The following ACTR3C variants were observed in gnomAD, a reference collection of about 807,000 sequenced individuals.
ACTR3C encodes the protein actin related protein 3C.
ACTR3C carries 18 observed loss-of-function variants against 26.3 expected under a neutral mutation model. That is an observed-to-expected ratio of 0.68 (90% CI 0.47 to 1.01). ACTR3C has a LOEUF of 1.01. ACTR3C is among the 50% of genes least tolerant of loss of function. The pLI is 0.00. For synonymous variants in ACTR3C, 55 were observed against 94.5 expected (o/e 0.58, Z 2.42); for missense variants, 184 against 250.7 (o/e 0.73, Z 1.80).
the ACTR3C span, among the ~76,000 whole-genome samples, chr7:150,180,221 C>T: frequency 8.0e-5 from 12 of 149,836 alleles, no homozygotes; most frequent in East Asian, 2.0e-4. Context: ...GGGAGAATGG[C>T]GTGAACCCGG....
chr7:149,911,606 CA>C, the ACTR3C span, among the ~76,000 whole-genome samples: 1 of 151,430 alleles, frequency 6.6e-6, no homozygotes, highest in Non-Finnish European at 1.5e-5. Flanking sequence ...AAAAAAATCA[CA>C]GACATCATCT....
the ACTR3C span, among the ~76,000 whole-genome samples, chr7:150,205,160 G>T: frequency 6.6e-6 from 1 of 152,180 alleles, no homozygotes; most frequent in Admixed American, 6.5e-5. Context: ...TTTAGAACTA[G>T]ACAGAGTTTT....
the ACTR3C span, among the ~76,000 whole-genome samples, chr7:149,893,450 TCTG>T: frequency 6.6e-6 from 1 of 152,184 alleles, no homozygotes; most frequent in Non-Finnish European, 1.5e-5. Context: ...TATTGAACAC[TCTG>T]CTAAGTGTTT....
intron 1 of ACTR3C, among the ~76,000 whole-genome samples, chr7:150,320,328 A>G (rs1244390872): frequency 6.6e-6 from 1 of 152,264 alleles, no homozygotes; most frequent in African/African-American, 2.4e-5. Flanking sequence ...ATTAGAGCTA[A>G]GAATAGTGTA....
chr7:149,916,632 AG>A, the ACTR3C span, among the ~76,000 whole-genome samples: 1 of 98,910 alleles, frequency 1.0e-5, no homozygotes, highest in African/African-American at 3.5e-5. Flanking sequence ...TATGTATATA[AG>A]CATTCAAGAC....
the ACTR3C span, among the ~76,000 whole-genome samples, chr7:149,958,723 G>A: frequency 5.9e-5 from 9 of 152,290 alleles, no homozygotes; most frequent in Non-Finnish European, 1.3e-4. Context: ...TTTAATGAAC[G>A]TCTGAGAGAG....
the ACTR3C span, among the ~76,000 whole-genome samples, chr7:150,202,855 G>A: frequency 1.4e-4 from 22 of 152,202 alleles, no homozygotes; most frequent in Non-Finnish European, 2.5e-4. Flanking sequence ...AGATAGCACA[G>A]CTGACAATGG....
the ACTR3C span, among the ~76,000 whole-genome samples, chr7:149,927,530 A>T: frequency 6.6e-6 from 1 of 152,100 alleles, no homozygotes; most frequent in Non-Finnish European, 1.5e-5. Context: ...GGAGTTCAAG[A>T]CCGGCCTGAC....
the ACTR3C span, among the ~76,000 whole-genome samples, chr7:150,150,226 G>A: frequency 2.0e-4 from 31 of 152,300 alleles, no homozygotes; most frequent in South Asian, 6.2e-3. Flanking sequence ...AGCAGTGGAA[G>A]CTAGACTGAA....
At chr7:149,982,373 C>T in the ACTR3C span, among the ~76,000 whole-genome samples, 5 of 152,110 alleles carry the variant, frequency 3.3e-5, no homozygotes, top group Admixed American at 6.5e-5. Context: ...TGGTCCTGTT[C>T]TTTATCCTCC....
chr7:150,127,024 G>A, the ACTR3C span, among the ~76,000 whole-genome samples: 5 of 152,138 alleles, frequency 3.3e-5, no homozygotes, highest in African/African-American at 1.2e-4. Flanking sequence ...ACACATTAAA[G>A]GTTCTGTAGT....
the ACTR3C span, among the ~76,000 whole-genome samples, chr7:150,079,839 C>T: frequency 8.5e-5 from 13 of 152,270 alleles, no homozygotes; most frequent in African/African-American, 2.4e-4. Context: ...TGCCACTTTG[C>T]CCCAGACCTT....
chr7:150,284,728 A>C (rs1373358239), intron 6 of ACTR3C, 25 bp downstream of exon 6: 14 of 1,561,064 alleles, frequency 9.0e-6, no homozygotes, highest in South Asian at 4.8e-5. Context: ...ATGAAATCAA[A>C]GTACCTTACC....
the ACTR3C span, among the ~76,000 whole-genome samples, chr7:150,174,435 C>T: frequency 7.1e-6 from 1 of 140,742 alleles, no homozygotes; most frequent in South Asian, 2.2e-4. Context: ...CCCCCTGGGT[C>T]CCTCCCACAA....
the ACTR3C span, among the ~76,000 whole-genome samples, chr7:150,039,129 AACGATCGG>A: frequency 3.1e-4 from 47 of 149,736 alleles, no homozygotes; most frequent in Non-Finnish European, 6.2e-4. Context: ...TCTTAGGATC[AACGATCGG>A]GGGTCCTAAG....
At chr7:150,199,746 A>C in the ACTR3C span, among the ~76,000 whole-genome samples, 1 of 144,802 alleles carries the variant, frequency 6.9e-6, no homozygotes, top group African/African-American at 2.6e-5. Context: ...AAAAAAAAAA[A>C]ACATAGTACT....
chr7:150,189,721 A>G, the ACTR3C span, among the ~76,000 whole-genome samples: 2,729 of 112,320 alleles, frequency 0.024, 106 homozygotes, highest in African/African-American at 0.091. Flanking sequence ...ACATTGTTGC[A>G]TAGATCAATA....
At position 150,282,180 on chromosome 7, in the gene ACTR3C, C is replaced by A. The variant is rs527274645; in HGVS notation, c.564+2573G>T. ...GCCCGGTGGAGGCTGGCCCACGTGA[C>A]GGCCCGGGGAGGAGGGGTGGAATGG... On this transcript the variant is annotated intron_variant, in intron 6 of 7. Coordinates refer to ENST00000683684, the MANE Select transcript of ACTR3C (RefSeq NM_001164458.2). 5.0e-5 allele frequency among the ~76,000 whole-genome samples: 7 copies of A among 141,392 alleles called. No homozygotes were observed. The East Asian group carries it at 1.2e-3, about 25-fold the overall frequency. The allele number at this position is 141,392 out of a possible 152,430, so 92.8% of individuals were successfully genotyped here. A position where few individuals can be genotyped will look rare whatever the true frequency, so the allele number is the denominator to read the frequency against.
the ACTR3C span, among the ~76,000 whole-genome samples, chr7:149,909,156 C>T: frequency 1.1e-4 from 16 of 151,356 alleles, no homozygotes; most frequent in African/African-American, 3.6e-4. Flanking sequence ...TAGAACGCCC[C>T]ATGCCAAACT....
Sources: allele counts gnomAD v4.1 joint callset (sites outside exome capture counted in the v4.1 genomes callset), GRCh38; gene constraint gnomAD v4.1.1; transcripts MANE v1.5; gene names NCBI Gene and HGNC (gene_info 2026-07-23, HGNC 2026-07-21).